The following FHIT variants were observed in gnomAD, a reference collection of about 807,000 sequenced individuals.
The protein encoded by FHIT is bis(5'-adenosyl)-triphosphatase.
Under a neutral mutation model 17.9 loss-of-function variants are expected in FHIT, and 19 were observed. That is an observed-to-expected ratio of 1.06 (90% confidence interval 0.74 to 1.56). The LOEUF (loss-of-function observed/expected upper bound fraction) is 1.56, where lower values mean the gene tolerates loss of function less well. Among genes scored for constraint, FHIT ranks in the 40% most tolerant of loss-of-function variants. The pLI, the probability that FHIT is intolerant of heterozygous loss-of-function variation, is 0.00. For missense variants in FHIT, 248 were observed against 189.2 expected (o/e 1.31, Z -1.82); for synonymous variants, 81 against 69.7 (o/e 1.16, Z -0.81).
chr3:60,614,838 T>G lies in FHIT; in HGVS notation c.-17-77859A>C, dbSNP rs1373083390. Among the ~76,000 whole-genome samples the G allele has an allele frequency of 8.8e-4, 63 of 71,370 alleles. 3 individuals are homozygous for G. Among genetic ancestry groups the G allele is most frequent in the African/African-American group, 2.1e-3 (53 of 25,774 alleles). 46.8% of individuals were successfully genotyped at this position (71,370 alleles called of 152,430 possible). A position where few individuals can be genotyped will look rare whatever the true frequency, so the allele number is the denominator to read the frequency against. On this transcript the variant is annotated intron_variant, in intron 4 of 9. Coordinates refer to ENST00000492590, the MANE Select transcript of FHIT (RefSeq NM_002012.4). ...TTTTTTTGTTTTTTTTTTGTTTTTTTTTTGTTTTTTGAGATGGAGCCCTGC... is the reference window on the plus strand; with the variant it reads ...TTTTTTTGTTTTTTTTTTGTTTTTTGTTTGTTTTTTGAGATGGAGCCCTGC...
In FHIT at chr3:60,912,141, T is replaced by C. The variant is rs536993310; in HGVS notation, c.-110-90130A>G. ...TCAATTATACTGCATGGAGGAAAAA[T>C]ATGTATACTACTACTACTAGAATAA... On this transcript the variant is annotated intron_variant, in intron 3 of 9. Coordinates refer to ENST00000492590, the MANE Select transcript of FHIT (RefSeq NM_002012.4). 3.3e-5 allele frequency among the ~76,000 whole-genome samples: 5 copies of C among 152,076 alleles called. No individual in the cohort carries two copies. In the East Asian group the frequency reaches 9.7e-4, roughly 29 times the overall value.
At chr3:61,213,351 C>G (rs2039554093) in intron 1 of FHIT, among the ~76,000 whole-genome samples, 2 of 152,162 alleles carry the variant, frequency 1.3e-5, no homozygotes, top group Admixed American at 1.3e-4. Flanking sequence ...GCAGGGGTTG[C>G]AGTCCTACTC....
At chr3:59,918,998 G>C (rs1361646562) in intron 8 of FHIT, among the ~76,000 whole-genome samples, 1 of 152,078 alleles carries the variant, frequency 6.6e-6, no homozygotes, top group African/African-American at 2.4e-5. Context: ...AAGTTAAAAA[G>C]AAAAGGTTTT....
intron 8 of FHIT, among the ~76,000 whole-genome samples, chr3:59,762,551 G>T (rs1006243345): frequency 6.6e-5 from 10 of 152,094 alleles, no homozygotes. Flanking sequence ...CAAACTGTAT[G>T]TCTCATCCAA....
intron 2 of FHIT, among the ~76,000 whole-genome samples, chr3:61,048,722 G>A (rs1406068881): frequency 6.6e-6 from 1 of 152,076 alleles, no homozygotes; most frequent in South Asian, 2.1e-4. Flanking sequence ...AGACCTGGAA[G>A]CAACCCAAAT....
chr3:60,806,628 T>C (rs941549972), intron 4 of FHIT, among the ~76,000 whole-genome samples: 1 of 152,252 alleles, frequency 6.6e-6, no homozygotes, highest in Non-Finnish European at 1.5e-5. Flanking sequence ...TTAAGATACT[T>C]AACACTTTTT....
At chr3:60,724,864 G>A (rs782778287) in intron 4 of FHIT, among the ~76,000 whole-genome samples, 3 of 151,980 alleles carry the variant, frequency 2.0e-5, no homozygotes, top group Non-Finnish European at 1.5e-5. Flanking sequence ...GGCCAGGCTG[G>A]TCTCAAACTC....
intron 3 of FHIT, among the ~76,000 whole-genome samples, chr3:60,888,825 A>C (rs182376206): frequency 6.9e-4 from 105 of 152,306 alleles, no homozygotes; most frequent in Non-Finnish European, 1.1e-3. Flanking sequence ...TGCAGTGGTA[A>C]GAAATAATAT....
At chr3:60,979,411 C>T (rs963059222) in intron 3 of FHIT, among the ~76,000 whole-genome samples, 1 of 152,142 alleles carries the variant, frequency 6.6e-6, no homozygotes, top group African/African-American at 2.4e-5. Context: ...GAACAAAGCG[C>T]TCAAAACTCA....
intron 1 of FHIT, among the ~76,000 whole-genome samples, chr3:61,238,668 A>C (rs2040292237): frequency 6.6e-6 from 1 of 152,240 alleles, no homozygotes; most frequent in South Asian, 2.1e-4. Flanking sequence ...CAAATATGCA[A>C]ATAAAGGAGA....
At chr3:59,900,133 G>A in intron 8 of FHIT, among the ~76,000 whole-genome samples, 1 of 152,176 alleles carries the variant, frequency 6.6e-6, no homozygotes, top group East Asian at 1.9e-4. Flanking sequence ...GCATGAAGCA[G>A]CCTGTTGGAT....
chr3:60,005,004 G>A (rs1699867438), intron 7 of FHIT, among the ~76,000 whole-genome samples: 1 of 152,156 alleles, frequency 6.6e-6, no homozygotes, highest in Non-Finnish European at 1.5e-5. Context: ...GGGGAGCTCA[G>A]AAAGGTTAAC....
chr3:60,414,935 GT>G (rs1187840726), intron 5 of FHIT, among the ~76,000 whole-genome samples: 1 of 152,162 alleles, frequency 6.6e-6, no homozygotes, highest in African/African-American at 2.4e-5. Flanking sequence ...AATTTTGATA[GT>G]TTCGTAGCTC....
At chr3:60,373,923 G>T (rs143200438) in intron 5 of FHIT, among the ~76,000 whole-genome samples, 17 of 152,280 alleles carry the variant, frequency 1.1e-4, no homozygotes, top group African/African-American at 4.1e-4. Flanking sequence ...GGTGGTTCAG[G>T]AAGTAGAGAA....
At chr3:60,808,340 T>C (rs928662364) in intron 4 of FHIT, among the ~76,000 whole-genome samples, 1 of 152,218 alleles carries the variant, frequency 6.6e-6, no homozygotes, top group African/African-American at 2.4e-5. Context: ...TCATTATGCA[T>C]ATATTTTGAT....
chr3:60,671,311 G>A (rs1231158167), intron 4 of FHIT, among the ~76,000 whole-genome samples: 1 of 151,984 alleles, frequency 6.6e-6, no homozygotes, highest in Non-Finnish European at 1.5e-5. Context: ...GTCAAATGAG[G>A]ACTACTAGTG....
chr3:59,890,580 T>A (rs1703812964), intron 8 of FHIT, among the ~76,000 whole-genome samples: 1 of 152,172 alleles, frequency 6.6e-6, no homozygotes, highest in Non-Finnish European at 1.5e-5. Flanking sequence ...GGAACCCGCT[T>A]AACTATTGCC....
chr3:60,769,939 G>A (rs1348310334), intron 4 of FHIT, among the ~76,000 whole-genome samples: 1 of 152,202 alleles, frequency 6.6e-6, no homozygotes, highest in Admixed American at 6.5e-5. Context: ...AAACTGTCCA[G>A]TGGACATTTT....
intron 7 of FHIT, among the ~76,000 whole-genome samples, chr3:59,984,944 C>A (rs1708825610): frequency 6.6e-6 from 1 of 151,998 alleles, no homozygotes; most frequent in African/African-American, 2.4e-5. Context: ...CATTACTAAG[C>A]CAGGTGTGTT....
Sources: gnomAD v4.1 joint callset for allele counts (sites outside exome capture counted in the v4.1 genomes callset) on GRCh38, gnomAD v4.1.1 for gene constraint, MANE v1.5 for transcripts, NCBI Gene and HGNC (gene_info 2026-07-23, HGNC 2026-07-21) for gene names.